The following TRNAU1AP variants were observed in gnomAD, a reference collection of about 807,000 sequenced individuals.
TRNAU1AP encodes tRNA selenocysteine 1-associated protein 1.
Under a neutral mutation model 43.3 loss-of-function variants are expected in TRNAU1AP, and 33 were observed. The ratio of observed to expected loss-of-function variants is 0.76; its 90% CI spans 0.58 to 1.02. TRNAU1AP has a LOEUF of 1.02. Among genes scored for constraint, TRNAU1AP ranks in the 50% least tolerant of loss-of-function variants. The pLI is 0.00. For synonymous variants in TRNAU1AP, 143 were observed against 129.1 expected (o/e 1.11, Z -0.73); for missense variants, 290 against 362.7 (o/e 0.80, Z 1.63).
At chr1:28,558,857 G>T (rs553574501) in intron 2 of TRNAU1AP, among the ~76,000 whole-genome samples, 2 of 152,044 alleles carry the variant, frequency 1.3e-5, no homozygotes, top group South Asian at 4.1e-4. Context: ...GAGCCACCGC[G>T]CCTGGCGAAA....
intron 2 of TRNAU1AP, among the ~76,000 whole-genome samples, chr1:28,554,222 A>AAAAAAC (rs1665203224): frequency 5.6e-5 from 8 of 142,734 alleles, no homozygotes; most frequent in African/African-American, 2.3e-4. Context: ...ACAAAAAAAC[A>AAAAAAC]AAAAACGCAG....
rs913570915 is a variant in TRNAU1AP at position 28,578,383 on chromosome 1, G to C, written c.*747G>C. The C allele has an allele frequency of 5.0e-6, 1 of 198,078 alleles. No individual in the cohort carries two copies. The highest frequency in any genetic ancestry group is 1.0e-5 in the Non-Finnish European group (1 of 95,384). The allele number at this position is 198,078 out of a possible 1,614,324, so 12.3% of individuals were successfully genotyped here. ...ACTGTCCAACCTTGTCATGTGTTGGGACTTACTGCTTGAGGCAAAGCATTC... is the reference window on the plus strand; with the variant it reads ...ACTGTCCAACCTTGTCATGTGTTGGCACTTACTGCTTGAGGCAAAGCATTC... On this transcript the variant is annotated 3_prime_UTR_variant, in exon 9 of 9. Transcript: ENST00000373830.
chr1:28,577,463 C>T (rs1418520804), intron 8 of TRNAU1AP, 37 bp from the exon 9 acceptor site: 1 of 1,608,678 alleles, frequency 6.2e-7, no homozygotes, highest in East Asian at 2.2e-5. Flanking sequence ...GCAGCTGTCC[C>T]TAGACTTCCC....
intron 8 of TRNAU1AP, 65 bp downstream of exon 8, chr1:28,571,965 G>A: frequency 7.2e-7 from 1 of 1,380,770 alleles, no homozygotes; most frequent in Non-Finnish European, 1.0e-6. Flanking sequence ...CTGGCACTGT[G>A]CTCTCAGCTA....
chr1:28,560,959 G>C (rs890487839), intron 3 of TRNAU1AP: 1 of 1,026,866 alleles, frequency 9.7e-7, no homozygotes, highest in East Asian at 2.9e-5. Context: ...CTGAAGATTG[G>C]TTGCCTCCCA....
intron 2 of TRNAU1AP, chr1:28,553,943 A>G: frequency 2.0e-6 from 1 of 494,128 alleles, no homozygotes; most frequent in East Asian, 3.7e-5. Context: ...CACACCTGTA[A>G]TCCCAGCACT....
At chr1:28,564,495 G>T (rs910407183) in intron 4 of TRNAU1AP, among the ~76,000 whole-genome samples, 1 of 152,196 alleles carries the variant, frequency 6.6e-6, no homozygotes, top group Non-Finnish European at 1.5e-5. Context: ...AAGTTCTGTG[G>T]AGTGGGTGAG....
At chr1:28,564,555 G>A (rs2124200647) in intron 4 of TRNAU1AP, 148 bp from the exon 5 acceptor site, 1 of 933,836 alleles carries the variant, frequency 1.1e-6, no homozygotes, top group Non-Finnish European at 1.6e-6. Flanking sequence ...GGACTGCTCT[G>A]ATGAAACAAA....
chr1:28,556,193 A>G (rs1665259505), intron 2 of TRNAU1AP, among the ~76,000 whole-genome samples: 1 of 151,532 alleles, frequency 6.6e-6, no homozygotes, highest in Non-Finnish European at 1.5e-5. Context: ...TGGGCACGGT[A>G]GCTCACACTT....
intron 8 of TRNAU1AP, 101 bp downstream of exon 8, chr1:28,572,001 C>A: frequency 1.9e-6 from 2 of 1,041,606 alleles, no homozygotes; most frequent in South Asian, 1.3e-5. Flanking sequence ...AAATTCTGCT[C>A]TGGAAGAACT....
chr1:28,554,472 TC>T (rs1209084921), intron 2 of TRNAU1AP, among the ~76,000 whole-genome samples: 3 of 152,090 alleles, frequency 2.0e-5, no homozygotes, highest in African/African-American at 7.2e-5. Context: ...GCAGTTTACA[TC>T]CATTATCTCC....
chr1:28,556,715 G>T (rs554986365), intron 2 of TRNAU1AP, among the ~76,000 whole-genome samples: 7 of 151,590 alleles, frequency 4.6e-5, no homozygotes, highest in African/African-American at 1.7e-4. Flanking sequence ...ACGGAGTCTC[G>T]CTCTGTCACC....
At chr1:28,564,545 G>C (rs536815285) in intron 4 of TRNAU1AP, among the ~76,000 whole-genome samples, 158 bp from the exon 5 acceptor site, 1 of 152,280 alleles carries the variant, frequency 6.6e-6, no homozygotes, top group Non-Finnish European at 1.5e-5. Context: ...TCTTCTGCCA[G>C]GACTGCTCTG....
intron 1 of TRNAU1AP, 44 bp downstream of exon 1, chr1:28,553,181 C>A: frequency 6.8e-7 from 1 of 1,461,652 alleles, no homozygotes; most frequent in Admixed American, 2.7e-5. Flanking sequence ...AAGGAAGCAT[C>A]TCGGTTTCGC....
chr1:28,564,189 C>T (rs2124200072), intron 4 of TRNAU1AP, among the ~76,000 whole-genome samples: 1 of 152,222 alleles, frequency 6.6e-6, no homozygotes, highest in East Asian at 1.9e-4. Flanking sequence ...TCACTTGAAC[C>T]TGGGAGACAG....
chr1:28,554,669 C>T (rs1665217231), intron 2 of TRNAU1AP, among the ~76,000 whole-genome samples: 1 of 151,506 alleles, frequency 6.6e-6, no homozygotes, highest in African/African-American at 2.4e-5. Flanking sequence ...GGTGAAACCC[C>T]ATCTCTACTA....
At chr1:28,569,978 G>A (rs1665628087) in intron 6 of TRNAU1AP, among the ~76,000 whole-genome samples, 1 of 151,796 alleles carries the variant, frequency 6.6e-6, no homozygotes, top group African/African-American at 2.4e-5. Flanking sequence ...TCCAGCCTGG[G>A]CGACAGAGCA....
At chr1:28,573,968 G>C (rs1300621103) in intron 8 of TRNAU1AP, among the ~76,000 whole-genome samples, 1 of 151,622 alleles carries the variant, frequency 6.6e-6, no homozygotes, top group Non-Finnish European at 1.5e-5. Flanking sequence ...TTACTGTCTA[G>C]GCACGGTGGC....
intron 5 of TRNAU1AP, chr1:28,565,478 C>CTA (rs1176861647): frequency 6.9e-6 from 1 of 145,696 alleles, no homozygotes; most frequent in Non-Finnish European, 1.5e-5. Context: ...GAGCCAGACT[C>CTA]TGTCTCCATA....
Sources: gnomAD v4.1 joint callset for allele counts (sites outside exome capture counted in the v4.1 genomes callset) on GRCh38, gnomAD v4.1.1 for gene constraint, MANE v1.5 for transcripts, NCBI Gene and HGNC (gene_info 2026-07-23, HGNC 2026-07-21) for gene names.